SLC1A3: variants seen among roughly 807,000 people sequenced by gnomAD.
SLC1A3 encodes the protein solute carrier family 1 member 3, also known as excitatory amino acid transporter 1.
A neutral mutation model predicts 48.1 loss-of-function variants in SLC1A3; 21 were observed. The observed-to-expected ratio is 0.44, with a 90% CI of 0.31 to 0.63. SLC1A3 has a LOEUF of 0.63. Ranked by LOEUF, SLC1A3 falls within the 20% of genes least tolerant of loss-of-function variation. The pLI, the probability that SLC1A3 is intolerant of heterozygous loss-of-function variation, is 0.08. For synonymous variants in SLC1A3, 239 were observed against 251.4 expected (o/e 0.95, Z 0.47); for missense variants, 546 against 689.0 (o/e 0.79, Z 2.32).
intron 1 of SLC1A3, among the ~76,000 whole-genome samples, chr5:36,599,573 T>C (rs1408856696): frequency 7.4e-6 from 1 of 135,336 alleles, no homozygotes; most frequent in East Asian, 2.2e-4. Flanking sequence ...GCAATGGTGC[T>C]ATTTTGGCTC....
intron 1 of SLC1A3, among the ~76,000 whole-genome samples, chr5:36,598,011 C>A (rs1419581567): frequency 6.6e-6 from 1 of 152,172 alleles, no homozygotes; most frequent in African/African-American, 2.4e-5. Context: ...GATTTTGCCC[C>A]ACCTTCTGTA....
intron 3 of SLC1A3, among the ~76,000 whole-genome samples, chr5:36,650,740 T>G (rs1259250157): frequency 1.3e-5 from 2 of 152,208 alleles, no homozygotes; most frequent in East Asian, 3.8e-4. Context: ...TGAAGATCCT[T>G]TGTAACCCAT....
Position 36,686,899 on chromosome 5 carries a change from C to T in SLC1A3, c.*630C>T, listed in dbSNP as rs1742673357. 1.3e-5 allele frequency: 2 copies of T among 158,688 alleles called. No individual in the cohort carries two copies. Among genetic ancestry groups the T allele is most frequent in the Non-Finnish European group, 2.8e-5 (2 of 72,542 alleles). 9.8% of individuals were successfully genotyped at this position (158,688 alleles called of 1,614,324 possible). A position where few individuals can be genotyped will look rare whatever the true frequency, so the allele number is the denominator to read the frequency against. ...CTCATCTATAAAATGAGGGACTTCC[C>T]TAGAAGTCTTCATGGTCTCTTCCAG... is the stretch of plus-strand genomic sequence containing the variant. On this transcript the variant is annotated 3_prime_UTR_variant, in exon 10 of 10. Coordinates refer to ENST00000265113, the MANE Select transcript of SLC1A3 (RefSeq NM_004172.5).
At chr5:36,616,628 T>C (rs1321135199) in intron 2 of SLC1A3, among the ~76,000 whole-genome samples, 10 of 152,178 alleles carry the variant, frequency 6.6e-5, no homozygotes, top group Admixed American at 6.5e-4. Context: ...GACTTCTTAT[T>C]CAGAACCTTG....
rs553377321 is a variant in SLC1A3 at position 36,661,853 on chromosome 5, CT to C, written c.320-9172del. Among the ~76,000 whole-genome samples, 56 of 152,288 alleles carry C rather than the reference CT, an allele frequency of 3.7e-4. 1 individual carries two copies. Among genetic ancestry groups the C allele is most frequent in the Middle Eastern group, 3.4e-3 (1 of 294 alleles). ...ATGCTCTGCAGTCAATTTGAGAAGC[CT>C]TTTGGTTAATTTTGGACAAGTCAAG... On this transcript the variant is annotated intron_variant, in intron 3 of 9. Transcript: ENST00000265113.
chr5:36,615,094 G>A (rs1007799931), intron 2 of SLC1A3, among the ~76,000 whole-genome samples: 1 of 152,134 alleles, frequency 6.6e-6, no homozygotes, highest in Non-Finnish European at 1.5e-5. Context: ...TCTGTAGCAC[G>A]TAAGCTATGA....
At chr5:36,632,623 C>T (rs1003009163) in intron 3 of SLC1A3, among the ~76,000 whole-genome samples, 6 of 152,188 alleles carry the variant, frequency 3.9e-5, no homozygotes, top group Admixed American at 2.6e-4. Flanking sequence ...TGGGGAAATA[C>T]TTTATAGACT....
At chr5:36,601,897 C>T (rs1424725220), upstream of SLC1A3, among the ~76,000 whole-genome samples, 2 of 151,908 alleles carry the variant, frequency 1.3e-5, no homozygotes, top group South Asian at 2.1e-4. Flanking sequence ...TGTGTTGCAT[C>T]TGTTTATTGG....
At chr5:36,632,423 C>G (rs1740170359) in intron 3 of SLC1A3, among the ~76,000 whole-genome samples, 1 of 152,176 alleles carries the variant, frequency 6.6e-6, no homozygotes, top group Admixed American at 6.5e-5. Context: ...CAAAGCTTAA[C>G]TGATAATGTG....
chr5:36,639,884 C>T (rs1034625161), intron 3 of SLC1A3, among the ~76,000 whole-genome samples: 1 of 152,186 alleles, frequency 6.6e-6, no homozygotes, highest in African/African-American at 2.4e-5. Context: ...TACATTCACT[C>T]TAATTTGAAT....
chr5:36,649,704 C>T (rs985204776), intron 3 of SLC1A3, among the ~76,000 whole-genome samples: 7 of 152,148 alleles, frequency 4.6e-5, no homozygotes, highest in African/African-American at 1.4e-4. Context: ...AAAATTTTTC[C>T]GGTCTCAATA....
At chr5:36,669,274 G>C (rs1470279962) in intron 3 of SLC1A3, 1 of 152,182 alleles carries the variant, frequency 6.6e-6, no homozygotes, top group Non-Finnish European at 1.5e-5. Context: ...ACCTGAGAAT[G>C]AAACTGCGGG....
At chr5:36,667,164 A>G (rs971033526) in intron 3 of SLC1A3, among the ~76,000 whole-genome samples, 1 of 152,202 alleles carries the variant, frequency 6.6e-6, no homozygotes, top group Non-Finnish European at 1.5e-5. Flanking sequence ...GCAAATATCC[A>G]CGGCTCTCCA....
At chr5:36,681,442 G>A (rs1341852734) in intron 8 of SLC1A3, among the ~76,000 whole-genome samples, 1 of 152,160 alleles carries the variant, frequency 6.6e-6, no homozygotes, top group East Asian at 1.9e-4. Context: ...AAAGTTAGAT[G>A]AACTTTTTCT....
At chr5:36,667,175 C>A (rs538456175) in intron 3 of SLC1A3, among the ~76,000 whole-genome samples, 1 of 152,292 alleles carries the variant, frequency 6.6e-6, no homozygotes, top group Non-Finnish European at 1.5e-5. Context: ...CGGCTCTCCA[C>A]CCTCCATTAA....
intron 7 of SLC1A3, 80 bp from the exon 8 acceptor site, chr5:36,680,315 G>A (rs764177051): frequency 6.0e-6 from 7 of 1,175,404 alleles, no homozygotes; most frequent in Non-Finnish European, 6.3e-6. Flanking sequence ...GGAAGGAACT[G>A]TCTGTCCCAA....
At chr5:36,671,569 G>T in intron 4 of SLC1A3, among the ~76,000 whole-genome samples, 1 of 152,090 alleles carries the variant, frequency 6.6e-6, no homozygotes, top group African/African-American at 2.4e-5. Flanking sequence ...TGTTCTTTAA[G>T]GCTAATTTTT....
chr5:36,615,446 T>C (rs958280226), intron 2 of SLC1A3, among the ~76,000 whole-genome samples: 3 of 152,220 alleles, frequency 2.0e-5, no homozygotes, highest in South Asian at 2.1e-4. Context: ...ATCTTTTTCC[T>C]AGATAACCCA....
chr5:36,611,653 G>C (rs1739203014), intron 2 of SLC1A3, among the ~76,000 whole-genome samples: 1 of 152,084 alleles, frequency 6.6e-6, no homozygotes, highest in African/African-American at 2.4e-5. Flanking sequence ...ATCCCTTAGA[G>C]GGCCCGTCAT....
Sources: gnomAD v4.1 joint callset for allele counts (sites outside exome capture counted in the v4.1 genomes callset) on GRCh38, gnomAD v4.1.1 for gene constraint, MANE v1.5 for transcripts, NCBI Gene and HGNC (gene_info 2026-07-23, HGNC 2026-07-21) for gene names.